Variants in GFPT2 observed in about 807,000 individuals in gnomAD.
The protein encoded by GFPT2 is glutamine--fructose-6-phosphate aminotransferase [isomerizing] 2.
Under a neutral mutation model 85.6 loss-of-function variants are expected in GFPT2, and 62 were observed. That is an observed-to-expected ratio of 0.72 (90% CI 0.59 to 0.90). GFPT2 has a LOEUF of 0.90. GFPT2 is among the 40% of genes least tolerant of loss of function. GFPT2 has a pLI of 0.00. For missense variants in GFPT2, 788 were observed against 893.4 expected (o/e 0.88, Z 1.50); for synonymous variants, 368 against 344.5 (o/e 1.07, Z -0.75).
chr5:180,303,197 T>C (rs1456711280), intron 17 of GFPT2, among the ~76,000 whole-genome samples: 3 of 145,558 alleles, frequency 2.1e-5, no homozygotes, highest in African/African-American at 7.7e-5. Flanking sequence ...GCCACTGCAC[T>C]CCAGCCTGGG....
At chr5:180,332,595 T>TG (rs1241538495) in intron 4 of GFPT2, among the ~76,000 whole-genome samples, 1 of 152,216 alleles carries the variant, frequency 6.6e-6, no homozygotes, top group African/African-American at 2.4e-5. Flanking sequence ...TGGAGTGCAG[T>TG]GGCGTGACCT....
At chr5:180,311,257 C>T (rs149170296) in intron 15 of GFPT2, among the ~76,000 whole-genome samples, 1 of 152,368 alleles carries the variant, frequency 6.6e-6, no homozygotes, top group East Asian at 1.9e-4. Context: ...CTCGATTCAT[C>T]TCCGCCTCTC....
intron 15 of GFPT2, among the ~76,000 whole-genome samples, chr5:180,309,124 G>A (rs567146303): frequency 7.2e-5 from 11 of 151,968 alleles, no homozygotes; most frequent in African/African-American, 2.2e-4. Flanking sequence ...CACCCACCTC[G>A]GCCTCCCAAA....
intron 15 of GFPT2, among the ~76,000 whole-genome samples, chr5:180,309,789 A>G (rs1763843666): frequency 6.6e-6 from 1 of 151,024 alleles, no homozygotes. Context: ...CAGACTAATA[A>G]TTTTTACCAC....
In GFPT2 at chr5:180,312,536, G is replaced by A. The variant is rs1467901606; in HGVS notation, c.1440C>T (p.Thr480=). The A allele has an allele frequency of 1.2e-5, 19 of 1,560,910 alleles. No individual in the cohort carries two copies. Among genetic ancestry groups the A allele is most frequent in the Admixed American group, 3.3e-5 (2 of 59,794 alleles). The change falls in exon 15 of 19, where the codon ACC becomes ACT. Residue 480 remains threonine, a synonymous_variant. Transcript: ENST00000253778. ...ACATCACCAGAGAGATGAACTGACT[G>A]GTATAAGCCTGTGCACAAAGAAGGA... The part of the protein sequence containing the change: ...EIGVASTKAY[T]SQFISLVMFG...
At chr5:180,319,025 G>C in intron 9 of GFPT2, 69 bp from the exon 10 acceptor site, 1 of 1,497,674 alleles carries the variant, frequency 6.7e-7, no homozygotes, top group Non-Finnish European at 9.2e-7. Flanking sequence ...GCCCCTTGCT[G>C]GTTCCCAAGC....
At chr5:180,305,419 GAATT>G (rs1397486762) in intron 16 of GFPT2, among the ~76,000 whole-genome samples, 1 of 152,164 alleles carries the variant, frequency 6.6e-6, no homozygotes, top group Non-Finnish European at 1.5e-5. Flanking sequence ...GGTGTTATTT[GAATT>G]AATTTTTTTC....
intron 7 of GFPT2, among the ~76,000 whole-genome samples, chr5:180,325,407 A>G (rs1007490518): frequency 6.6e-6 from 1 of 152,110 alleles, no homozygotes; most frequent in African/African-American, 2.4e-5. Flanking sequence ...ACTTTTGTAT[A>G]TTCTCTACTT....
chr5:180,324,160 G>A, intron 9 of GFPT2, 28 bp downstream of exon 9: 1 of 1,187,706 alleles, frequency 8.4e-7, no homozygotes, highest in Non-Finnish European at 1.3e-6. Flanking sequence ...TGTAATCCCA[G>A]GAAGCGAAGA....
chr5:180,310,832 C>CAAAAAAAA (rs3080055), intron 15 of GFPT2, among the ~76,000 whole-genome samples: 21 of 50,578 alleles, frequency 4.2e-4, no homozygotes, highest in South Asian at 1.1e-3. Context: ...TGGACACAGG[C>CAAAAAAAA]AAAAAAAAAA....
intron 9 of GFPT2, among the ~76,000 whole-genome samples, chr5:180,319,777 G>T (rs992838506): frequency 6.6e-6 from 1 of 152,066 alleles, no homozygotes; most frequent in Non-Finnish European, 1.5e-5. Context: ...GAATAAGATC[G>T]AGCTTTTAAC....
intron 15 of GFPT2, among the ~76,000 whole-genome samples, chr5:180,311,223 G>A (rs1235712542): frequency 6.6e-6 from 1 of 152,210 alleles, no homozygotes; most frequent in African/African-American, 2.4e-5. Context: ...CGCAGTGAGC[G>A]TTCCATGCCA....
chr5:180,336,050 C>A, intron 3 of GFPT2, 97 bp from the exon 4 acceptor site: 1 of 1,215,898 alleles, frequency 8.2e-7, no homozygotes, highest in Non-Finnish European at 1.1e-6. Context: ...TCACGTCACC[C>A]ACACCGATGG....
chr5:180,341,246 G>A (rs1054819845), intron 1 of GFPT2, among the ~76,000 whole-genome samples: 24 of 152,190 alleles, frequency 1.6e-4, no homozygotes, highest in Non-Finnish European at 3.5e-4. Context: ...GTTTTGCTGG[G>A]ATGAGAGAAA....
chr5:180,339,378 C>CA (rs34123923), intron 1 of GFPT2, among the ~76,000 whole-genome samples: 6,552 of 64,456 alleles, frequency 0.1, 459 homozygotes, highest in Middle Eastern at 0.2. Context: ...GACTCTGTCT[C>CA]AAAAAAAAAA....
chr5:180,315,218 C>A (rs1244263453), intron 13 of GFPT2, among the ~76,000 whole-genome samples: 23 of 151,590 alleles, frequency 1.5e-4, no homozygotes, highest in Admixed American at 8.5e-4. Flanking sequence ...CGCTCTGTCG[C>A]CCAGGCTGGA....
intron 4 of GFPT2, among the ~76,000 whole-genome samples, chr5:180,334,958 C>T (rs1174757862): frequency 6.6e-6 from 1 of 152,226 alleles, no homozygotes; most frequent in Non-Finnish European, 1.5e-5. Flanking sequence ...TGAGAGGGGG[C>T]AAGGGTGTCA....
At chr5:180,304,440 C>G (rs1018962218) in intron 17 of GFPT2, among the ~76,000 whole-genome samples, 1 of 152,164 alleles carries the variant, frequency 6.6e-6, no homozygotes, top group African/African-American at 2.4e-5. Context: ...CCAGGTAGTT[C>G]CCATCGGAGC....
intron 1 of GFPT2, chr5:180,352,412 C>T (rs1431797412): frequency 2.2e-6 from 1 of 454,916 alleles, no homozygotes; most frequent in Non-Finnish European, 4.4e-6. Context: ...TCCCGGCCAG[C>T]GGAGGCGGCC....
Sources: gnomAD v4.1 joint callset for allele counts (sites outside exome capture counted in the v4.1 genomes callset) on GRCh38, gnomAD v4.1.1 for gene constraint, MANE v1.5 for transcripts, NCBI Gene and HGNC (gene_info 2026-07-23, HGNC 2026-07-21) for gene names.